Variants in CSMD1 observed in about 807,000 individuals in gnomAD.
CSMD1 encodes CUB and sushi domain-containing protein 1.
A neutral mutation model predicts 417.5 loss-of-function variants in CSMD1; 213 were observed. That is an observed-to-expected ratio of 0.51 (90% CI 0.46 to 0.57). CSMD1 has a LOEUF of 0.57. CSMD1 is among the 20% of genes least tolerant of loss of function. The probability of loss-of-function intolerance (pLI) is 0.00; values close to 1 mark genes in which losing one functional copy is unlikely to be tolerated. For synonymous variants in CSMD1, 2,862 were observed against 1,736.8 expected (o/e 1.65, Z -16.11); for missense variants, 6,923 against 4,529.7 (o/e 1.53, Z -15.17).
chr8:3,348,598 G>A (rs1808173126), intron 21 of CSMD1, among the ~76,000 whole-genome samples: 1 of 152,210 alleles, frequency 6.6e-6, no homozygotes, highest in Non-Finnish European at 1.5e-5. Context: ...GACATCTTAT[G>A]GCATCAACTG....
At chr8:4,859,328 G>C (rs1248349744) in intron 1 of CSMD1, among the ~76,000 whole-genome samples, 1 of 152,102 alleles carries the variant, frequency 6.6e-6, no homozygotes, top group African/African-American at 2.4e-5. Context: ...AGAAAACCTA[G>C]GCATTACCAT....
intron 10 of CSMD1, among the ~76,000 whole-genome samples, chr8:3,545,771 G>T (rs1162600066): frequency 6.6e-6 from 1 of 152,156 alleles, no homozygotes; most frequent in African/African-American, 2.4e-5. Context: ...ATACAGATAA[G>T]CTTTTGTTAA....
chr8:3,558,368 G>GCCTCA (rs1563152244), intron 10 of CSMD1, among the ~76,000 whole-genome samples: 3 of 88,624 alleles, frequency 3.4e-5, no homozygotes, highest in Admixed American at 1.0e-4. Flanking sequence ...AATGATGAAT[G>GCCTCA]GTGCCTCAGT....
intron 3 of CSMD1, among the ~76,000 whole-genome samples, chr8:4,213,096 C>T (rs1383434440): frequency 1.3e-5 from 2 of 152,128 alleles, no homozygotes; most frequent in East Asian, 1.9e-4. Context: ...AATATAGATG[C>T]TTCACCCAGT....
intron 3 of CSMD1, among the ~76,000 whole-genome samples, chr8:4,403,515 G>C (rs1804798582): frequency 6.6e-6 from 1 of 152,072 alleles, no homozygotes; most frequent in Non-Finnish European, 1.5e-5. Flanking sequence ...CTCCTCATCA[G>C]TCATGACTTA....
intron 7 of CSMD1, among the ~76,000 whole-genome samples, chr8:3,676,660 G>C (rs1000564990): frequency 1.3e-5 from 2 of 152,122 alleles, no homozygotes; most frequent in African/African-American, 4.8e-5. Flanking sequence ...TGTGGGTAGA[G>C]TATATGAATC....
intron 3 of CSMD1, among the ~76,000 whole-genome samples, chr8:4,070,658 C>A (rs369176864): frequency 7.2e-5 from 11 of 152,058 alleles, no homozygotes; most frequent in Non-Finnish European, 1.5e-4. Flanking sequence ...TGCCCGGCCA[C>A]CACCTATAAC....
intron 2 of CSMD1, among the ~76,000 whole-genome samples, chr8:4,468,153 C>A (rs1052880566): frequency 6.6e-6 from 1 of 152,134 alleles, no homozygotes. Flanking sequence ...CTACAGCTCT[C>A]TATTTTCTGT....
At position 4,447,296 on chromosome 8, in the gene CSMD1, C is replaced by T. The variant is rs111756819; in HGVS notation, c.303-27231G>A. On this transcript the variant is annotated intron_variant, in intron 2 of 69. Transcript: ENST00000635120. The stretch of plus-strand genomic sequence containing the variant: ...AAGCAAATCAAAGTCTGAGGCAGAC[C>T]GTGATCATTATTATTACAATGAATT... 6.9e-3 allele frequency among the ~76,000 whole-genome samples: 1,048 copies of T among 152,116 alleles called. 11 individuals carry two copies. Among genetic ancestry groups the T allele is most frequent in the African/African-American group, 0.023 (968 of 41,482 alleles).
intron 3 of CSMD1, among the ~76,000 whole-genome samples, chr8:4,147,024 G>C (rs1031932028): frequency 2.0e-5 from 3 of 152,066 alleles, no homozygotes; most frequent in East Asian, 3.9e-4. Flanking sequence ...AGGAGAGTCA[G>C]AGATCGGGGG....
intron 1 of CSMD1, among the ~76,000 whole-genome samples, chr8:4,638,843 T>C (rs944069984): frequency 6.6e-6 from 1 of 152,222 alleles, no homozygotes; most frequent in African/African-American, 2.4e-5. Context: ...GAGCAGTGTC[T>C]GAGGAACTGA....
Position 3,068,907 on chromosome 8 carries a change from C to T in CSMD1, c.7475-16260G>A, listed in dbSNP as rs983764539. 3.3e-5 allele frequency among the ~76,000 whole-genome samples: 5 copies of T among 152,180 alleles called. No homozygotes were observed. The South Asian group carries it at 1.0e-3, about 32-fold the overall frequency. ...AACTATATTATTTCTCCCCTGACCC[C>T]TCCCAATTCTCATATCCTTCTCATA... On this transcript the variant is annotated intron_variant, in intron 49 of 69. Transcript: ENST00000635120.
intron 2 of CSMD1, among the ~76,000 whole-genome samples, chr8:4,560,845 C>G (rs1798297615): frequency 6.6e-6 from 1 of 152,176 alleles, no homozygotes; most frequent in African/African-American, 2.4e-5. Context: ...GAGATGTTCA[C>G]CAGCAAATCT....
chr8:4,284,115 C>T (rs182686603), intron 3 of CSMD1, among the ~76,000 whole-genome samples: 1 of 152,132 alleles, frequency 6.6e-6, no homozygotes, highest in Non-Finnish European at 1.5e-5. Flanking sequence ...CACCTGTAAT[C>T]CTAGCATTTT....
intron 37 of CSMD1, among the ~76,000 whole-genome samples, chr8:3,171,248 G>T (rs963012752): frequency 1.3e-5 from 2 of 152,176 alleles, no homozygotes; most frequent in African/African-American, 4.8e-5. Context: ...GAAGCACTGG[G>T]AAAGAAAGCT....
chr8:3,034,331 A>C (rs1810529564), intron 50 of CSMD1, among the ~76,000 whole-genome samples: 3 of 152,220 alleles, frequency 2.0e-5, no homozygotes, highest in Admixed American at 2.0e-4. Context: ...AGAAAAAGCC[A>C]ACCAAGAGAT....
chr8:3,986,898 G>A (rs993888388), intron 5 of CSMD1, among the ~76,000 whole-genome samples: 1 of 151,928 alleles, frequency 6.6e-6, no homozygotes, highest in African/African-American at 2.4e-5. Flanking sequence ...GGGATTGCAG[G>A]TGCACGCCAC....
rs200915119 is a variant in CSMD1 at position 4,416,965 on chromosome 8, AATTT to A, written c.415+2984_415+2987del. On this transcript the variant is annotated intron_variant, in intron 3 of 69. Transcript: ENST00000635120. ...TGTAATCCTAATAGTTTCTGTTATT[AATTT>A]GTCAAAGACAGCTATGCAACTATGT... Among the ~76,000 whole-genome samples, 140 of 152,212 alleles carry A rather than the reference AATTT, an allele frequency of 9.2e-4. No homozygotes were observed. The East Asian group carries it at 0.024, about 26-fold the overall frequency.
intron 11 of CSMD1, among the ~76,000 whole-genome samples, chr8:3,491,352 T>A (rs1223964468): frequency 1.3e-5 from 2 of 152,182 alleles, no homozygotes; most frequent in African/African-American, 4.8e-5. Flanking sequence ...ATGATATTAT[T>A]AGACCCAAAT....
Sources: allele counts gnomAD v4.1 joint callset (sites outside exome capture counted in the v4.1 genomes callset), GRCh38; gene constraint gnomAD v4.1.1; transcripts MANE v1.5; gene names NCBI Gene and HGNC (gene_info 2026-07-23, HGNC 2026-07-21).